ANGPT1: variants seen among roughly 807,000 people sequenced by gnomAD.
ANGPT1 encodes the protein angiopoietin 1.
In ANGPT1, 17 loss-of-function variants were observed where a neutral mutation model predicts 62.2. The ratio of observed to expected loss-of-function variants is 0.27; its 90% CI spans 0.19 to 0.41. The LOEUF is 0.41. Ranked by LOEUF, ANGPT1 falls within the 10% of genes least tolerant of loss-of-function variation. The pLI, the probability that ANGPT1 is intolerant of heterozygous loss-of-function variation, is 1.00. For missense variants in ANGPT1, 478 were observed against 594.9 expected (o/e 0.80, Z 2.04); for synonymous variants, 199 against 198.9 (o/e 1.00, Z 0.00).
At chr8:107,337,968 T>C (rs1815606098) in intron 2 of ANGPT1, among the ~76,000 whole-genome samples, 1 of 152,088 alleles carries the variant, frequency 6.6e-6, no homozygotes, top group Non-Finnish European at 1.5e-5. Flanking sequence ...TGGTGGTTTG[T>C]GCCTGTAGTC....
At chr8:107,428,418 A>T (rs1197630208) in intron 1 of ANGPT1, among the ~76,000 whole-genome samples, 1 of 152,206 alleles carries the variant, frequency 6.6e-6, no homozygotes, top group Non-Finnish European at 1.5e-5. Context: ...GACTTTGCAA[A>T]GTGCAATATC....
chr8:107,352,063 G>A (rs975467081), intron 1 of ANGPT1, among the ~76,000 whole-genome samples: 2 of 152,110 alleles, frequency 1.3e-5, no homozygotes, highest in Non-Finnish European at 2.9e-5. Flanking sequence ...TTGCTTTGAG[G>A]CTAGATTGAC....
At chr8:107,391,179 A>T (rs1031031975) in intron 1 of ANGPT1, among the ~76,000 whole-genome samples, 1 of 152,248 alleles carries the variant, frequency 6.6e-6, no homozygotes, top group Middle Eastern at 3.4e-3. Context: ...TGGCCCTAAG[A>T]TGTATATTTT....
Position 107,336,274 on chromosome 8 carries a change from T to C in ANGPT1, c.454-3A>G. On this transcript the variant is annotated splice_region_variant and splice_polypyrimidine_tract_variant and intron_variant, in intron 2 of 8. Coordinates refer to ENST00000517746, the MANE Select transcript of ANGPT1 (RefSeq NM_001146.5). ...AGTCGAGAAGTTTGATTTAGTACCT[T>C]AAGATAAAAGATGAAAATATTTCAA... is the stretch of plus-strand genomic sequence containing the variant. 1 of 1,584,704 alleles carries C rather than the reference T, an allele frequency of 6.3e-7. No individual in the cohort carries two copies. The highest frequency in any genetic ancestry group is 8.5e-7 in the Non-Finnish European group (1 of 1,171,356).
intron 1 of ANGPT1, among the ~76,000 whole-genome samples, chr8:107,457,355 T>G (rs1811945879): frequency 6.6e-6 from 1 of 152,090 alleles, no homozygotes; most frequent in Admixed American, 6.6e-5. Flanking sequence ...ATAACAGTAA[T>G]AGCCAACAAA....
At chr8:107,423,528 T>C (rs143792362) in intron 1 of ANGPT1, among the ~76,000 whole-genome samples, 20 of 152,254 alleles carry the variant, frequency 1.3e-4, no homozygotes, top group African/African-American at 4.8e-4. Flanking sequence ...AACTGCATCA[T>C]AGTTTAACAT....
chr8:107,366,421 T>C (rs770071856), intron 1 of ANGPT1, among the ~76,000 whole-genome samples: 1 of 152,174 alleles, frequency 6.6e-6, no homozygotes, highest in Non-Finnish European at 1.5e-5. Context: ...CTGGTTAAAT[T>C]AGCACAAAAG....
intron 1 of ANGPT1, among the ~76,000 whole-genome samples, chr8:107,389,645 G>C (rs1816796565): frequency 6.6e-6 from 1 of 152,120 alleles, no homozygotes; most frequent in Non-Finnish European, 1.5e-5. Context: ...AGGCCAAACA[G>C]AGGATAACAT....
At chr8:107,479,884 C>T (rs1054861427) in intron 1 of ANGPT1, among the ~76,000 whole-genome samples, 3 of 152,070 alleles carry the variant, frequency 2.0e-5, no homozygotes, top group African/African-American at 4.8e-5. Context: ...AACAATTTTA[C>T]TCAAAGGAGC....
At position 107,325,330 on chromosome 8, in the gene ANGPT1, T is replaced by A. The variant is rs149884582; in HGVS notation, c.576-3202A>T. 7.8e-3 allele frequency among the ~76,000 whole-genome samples: 1,192 copies of A among 152,300 alleles called. 55 individuals are homozygous for A. The highest frequency in any genetic ancestry group is 0.07 in the Admixed American group (1,071 of 15,290). On this transcript the variant is annotated intron_variant, in intron 3 of 8. Coordinates refer to ENST00000517746, the MANE Select transcript of ANGPT1 (RefSeq NM_001146.5). ...ACTTTTCTTGCTAGTCCTGGGGTAA[T>A]GATCAGAGGCAAGATGCCCATAATT...
intron 4 of ANGPT1, among the ~76,000 whole-genome samples, chr8:107,313,317 A>C (rs1814922415): frequency 6.6e-6 from 1 of 151,940 alleles, no homozygotes; most frequent in South Asian, 2.1e-4. Flanking sequence ...GTGAACACCC[A>C]AACTAGCACA....
intron 1 of ANGPT1, among the ~76,000 whole-genome samples, chr8:107,423,148 G>T (rs144338432): frequency 6.6e-6 from 1 of 152,246 alleles, no homozygotes; most frequent in East Asian, 1.9e-4. Context: ...CCTGAATTTG[G>T]CCATGGTAGG....
intron 1 of ANGPT1, among the ~76,000 whole-genome samples, chr8:107,418,471 G>A (rs963940545): frequency 6.6e-6 from 1 of 152,070 alleles, no homozygotes; most frequent in African/African-American, 2.4e-5. Flanking sequence ...ATTTTGTATC[G>A]GCTGGGAATA....
chr8:107,300,843 T>C (rs1410447937), intron 5 of ANGPT1, among the ~76,000 whole-genome samples: 2 of 151,994 alleles, frequency 1.3e-5, no homozygotes, highest in Non-Finnish European at 2.9e-5. Context: ...AGCGTAAGCT[T>C]GAATCTTGCT....
At chr8:107,296,670 C>T (rs769256255) in intron 5 of ANGPT1, among the ~76,000 whole-genome samples, 27 of 151,988 alleles carry the variant, frequency 1.8e-4, no homozygotes, top group Non-Finnish European at 3.4e-4. Flanking sequence ...ATCAAGGAAA[C>T]ATTTTTCTAG....
At chr8:107,301,599 A>G (rs1249726059) in intron 5 of ANGPT1, among the ~76,000 whole-genome samples, 2 of 151,864 alleles carry the variant, frequency 1.3e-5, no homozygotes, top group Non-Finnish European at 2.9e-5. Flanking sequence ...ATGGGATTCA[A>G]TGTAATCTTG....
At chr8:107,383,680 A>G (rs1816680740) in intron 1 of ANGPT1, among the ~76,000 whole-genome samples, 1 of 152,134 alleles carries the variant, frequency 6.6e-6, no homozygotes, top group Admixed American at 6.6e-5. Context: ...ACATTCCAAC[A>G]TCAAAACTTT....
intron 1 of ANGPT1, among the ~76,000 whole-genome samples, chr8:107,392,203 T>C (rs1271488146): frequency 1.3e-5 from 2 of 152,342 alleles, no homozygotes; most frequent in South Asian, 2.1e-4. Flanking sequence ...TATAATTATA[T>C]GAATACTGGC....
chr8:107,369,827 G>A (rs1459473236), intron 1 of ANGPT1, among the ~76,000 whole-genome samples: 1 of 152,016 alleles, frequency 6.6e-6, no homozygotes, highest in Non-Finnish European at 1.5e-5. Flanking sequence ...CTCCAAAACG[G>A]TTACAATAGC....
Sources: allele counts gnomAD v4.1 joint callset (sites outside exome capture counted in the v4.1 genomes callset), GRCh38; gene constraint gnomAD v4.1.1; transcripts MANE v1.5; gene names NCBI Gene and HGNC (gene_info 2026-07-23, HGNC 2026-07-21).